OTUD7A: variants seen among roughly 807,000 people sequenced by gnomAD.
OTUD7A encodes OTU deubiquitinase 7A, also known as OTU domain-containing protein 7A.
OTUD7A carries 12 observed loss-of-function variants against 65.7 expected under a neutral mutation model. The ratio of observed to expected loss-of-function variants is 0.18; its 90% CI spans 0.12 to 0.30. The LOEUF is 0.30. Ranked by LOEUF, OTUD7A falls within the 10% of genes least tolerant of loss-of-function variation. The pLI, the probability that OTUD7A is intolerant of heterozygous loss-of-function variation, is 1.00. For synonymous variants in OTUD7A, 641 were observed against 586.3 expected, an observed-to-expected ratio of 1.09 and a Z score of -1.35; for missense variants, 1,148 against 1,304.8, an observed-to-expected ratio of 0.88 and a Z score of 1.85.
At chr15:31,566,689 G>A (rs1888886342) in intron 4 of OTUD7A, among the ~76,000 whole-genome samples, 1 of 152,128 alleles carries the variant, frequency 6.6e-6, no homozygotes. Flanking sequence ...TGAATGTCTT[G>A]GACTATCCCC....
In OTUD7A at chr15:31,772,936, T is replaced by C. The variant is rs372419508; in HGVS notation, c.-100+97571A>G. 5.3e-5 allele frequency among the ~76,000 whole-genome samples: 8 copies of C among 152,328 alleles called. No homozygotes were observed. In the East Asian group the frequency reaches 1.2e-3, roughly 22 times the overall value. Reference sequence around the variant, plus strand: ...ATGCTACAGGAACACTTTGTTTCAATATTAACAATGTTGAAAGTGGTGTTT... The same window carrying C: ...ATGCTACAGGAACACTTTGTTTCAACATTAACAATGTTGAAAGTGGTGTTT... On this transcript the variant is annotated intron_variant, in intron 1 of 12. Coordinates refer to ENST00000307050, the MANE Select transcript of OTUD7A (RefSeq NM_001382637.1).
chr15:31,796,142 C>CGTGCGT (rs1555418458), intron 1 of OTUD7A, among the ~76,000 whole-genome samples: 4 of 148,020 alleles, frequency 2.7e-5, no homozygotes, highest in Non-Finnish European at 4.5e-5. Flanking sequence ...GTAAGGGGTG[C>CGTGCGT]GTGTGTGTGT....
At chr15:31,490,390 T>TA (rs912228727) in intron 10 of OTUD7A, among the ~76,000 whole-genome samples, 43 of 151,870 alleles carry the variant, frequency 2.8e-4, no homozygotes, top group South Asian at 1.0e-3. Context: ...ACTTATTTTC[T>TA]AAAAAAAAAT....
intron 1 of OTUD7A, among the ~76,000 whole-genome samples, chr15:31,666,179 A>T (rs1892315168): frequency 6.6e-6 from 1 of 152,094 alleles, no homozygotes; most frequent in African/African-American, 2.4e-5. Context: ...CATAGAATGA[A>T]TTAGGGAGGC....
intron 1 of OTUD7A, among the ~76,000 whole-genome samples, chr15:31,726,052 GAGTT>G (rs1330821968): frequency 5.2e-4 from 34 of 65,088 alleles, no homozygotes; most frequent in African/African-American, 2.2e-3. Context: ...GAGCCAGACA[GAGTT>G]TTTTTTTTTT....
chr15:31,730,087 C>T (rs928115251), intron 1 of OTUD7A, among the ~76,000 whole-genome samples: 1 of 152,076 alleles, frequency 6.6e-6, no homozygotes, highest in African/African-American at 2.4e-5. Context: ...GAATGGAATT[C>T]GTGCCCTGTT....
chr15:31,821,133 C>CTTTTTTTTTTTT (rs35732957), intron 1 of OTUD7A, among the ~76,000 whole-genome samples: 1 of 97,466 alleles, frequency 1.0e-5, no homozygotes, highest in East Asian at 2.8e-4. Flanking sequence ...TTTTTCATTT[C>CTTTTTTTTTTTT]TTTTTTTTTT....
intron 1 of OTUD7A, among the ~76,000 whole-genome samples, chr15:31,730,249 T>C (rs1463803396): frequency 6.6e-6 from 1 of 152,208 alleles, no homozygotes; most frequent in East Asian, 1.9e-4. Context: ...GAAATAAATG[T>C]CTGTTGTTTA....
intron 1 of OTUD7A, among the ~76,000 whole-genome samples, chr15:31,856,250 T>A (rs923085991): frequency 6.6e-6 from 1 of 152,238 alleles, no homozygotes; most frequent in East Asian, 1.9e-4. Flanking sequence ...TTAATAGTCT[T>A]GGATATCCAC....
intron 3 of OTUD7A, among the ~76,000 whole-genome samples, chr15:31,585,566 G>A (rs1156498612): frequency 1.3e-5 from 2 of 152,208 alleles, no homozygotes; most frequent in Non-Finnish European, 2.9e-5. Context: ...CCAGGGTTGA[G>A]AGCTTGACCT....
chr15:31,810,063 T>C (rs1259657248), intron 1 of OTUD7A, among the ~76,000 whole-genome samples: 1 of 152,214 alleles, frequency 6.6e-6, no homozygotes, highest in Non-Finnish European at 1.5e-5. Flanking sequence ...AGGGCTTCTA[T>C]GGAACCACCT....
chr15:31,734,793 A>C (rs891986677), intron 1 of OTUD7A, among the ~76,000 whole-genome samples: 3 of 151,898 alleles, frequency 2.0e-5, no homozygotes, highest in Non-Finnish European at 4.4e-5. Context: ...ACCCAAAACT[A>C]TAAAAGCTCT....
At chr15:31,626,214 A>G (rs1399262797) in intron 3 of OTUD7A, among the ~76,000 whole-genome samples, 1 of 152,172 alleles carries the variant, frequency 6.6e-6, no homozygotes, top group East Asian at 1.9e-4. Context: ...AACATATTGC[A>G]CTCCAGTTAA....
intron 4 of OTUD7A, among the ~76,000 whole-genome samples, chr15:31,565,975 A>G (rs1888856373): frequency 6.6e-6 from 1 of 152,078 alleles, no homozygotes; most frequent in African/African-American, 2.4e-5. Flanking sequence ...GGTGGATCAC[A>G]AGGTCAGGAG....
chr15:31,606,388 T>G (rs1349645556), intron 3 of OTUD7A, among the ~76,000 whole-genome samples: 2 of 152,356 alleles, frequency 1.3e-5, no homozygotes, highest in South Asian at 2.1e-4. Context: ...TGAAAAATGT[T>G]ACATTCCCAA....
rs575725818 is a variant in OTUD7A at position 31,631,655 on chromosome 15, G to T, written c.151+23441C>A. Among the ~76,000 whole-genome samples, 16 of 152,278 alleles carry T rather than the reference G, an allele frequency of 1.1e-4. No individual in the cohort carries two copies. In the South Asian group the frequency reaches 3.3e-3, roughly 32 times the overall value. Reference sequence around the variant, plus strand: ...TTGCCTGCCTTGCTAGATTGGGGAAGTTCTCCTGGAAAATATCCTGCAGAG... The same window carrying T: ...TTGCCTGCCTTGCTAGATTGGGGAATTTCTCCTGGAAAATATCCTGCAGAG... On this transcript the variant is annotated intron_variant, in intron 3 of 12. Transcript: ENST00000307050.
intron 1 of OTUD7A, among the ~76,000 whole-genome samples, chr15:31,729,323 C>CA (rs147268184): frequency 6.6e-6 from 1 of 151,898 alleles, no homozygotes; most frequent in South Asian, 2.1e-4. Flanking sequence ...TGTGGATGAG[C>CA]AAAAAAAGCA....
At chr15:31,717,108 A>G (rs1893609385) in intron 1 of OTUD7A, among the ~76,000 whole-genome samples, 1 of 152,148 alleles carries the variant, frequency 6.6e-6, no homozygotes. Context: ...GGTTTCATCC[A>G]TTGTCCCAAC....
intron 6 of OTUD7A, among the ~76,000 whole-genome samples, chr15:31,527,904 TCTCTGAGAATGTG>T (rs1015628623): frequency 6.6e-6 from 1 of 152,164 alleles, no homozygotes; most frequent in Non-Finnish European, 1.5e-5. Flanking sequence ...AAACCAGCCA[TCTCTGAGAATGTG>T]CTCTGGGCAG....
Sources: allele counts gnomAD v4.1 joint callset (sites outside exome capture counted in the v4.1 genomes callset), GRCh38; gene constraint gnomAD v4.1.1; transcripts MANE v1.5; gene names NCBI Gene and HGNC (gene_info 2026-07-23, HGNC 2026-07-21).